Variants in PGM5 observed in about 807,000 individuals in gnomAD.
PGM5 encodes phosphoglucomutase-like protein 5.
In PGM5, 23 loss-of-function variants were observed where a neutral mutation model predicts 59.2. The observed-to-expected ratio is 0.39, with a 90% CI of 0.28 to 0.55. PGM5 has a LOEUF of 0.55. PGM5 is among the 20% of genes least tolerant of loss of function. The pLI, the probability that PGM5 is intolerant of heterozygous loss-of-function variation, is 0.66. For synonymous variants in PGM5, 214 were observed against 286.0 expected, an observed-to-expected ratio of 0.75 and a Z score of 2.54; for missense variants, 574 against 748.3, an observed-to-expected ratio of 0.77 and a Z score of 2.72.
At chr9:68,446,566 T>C (rs1823614979) in intron 6 of PGM5, among the ~76,000 whole-genome samples, 1 of 152,234 alleles carries the variant, frequency 6.6e-6, no homozygotes, top group Admixed American at 6.5e-5. Flanking sequence ...GCTGTGCGTG[T>C]CTCTGTGTGT....
chr9:68,366,542 G>A (rs1395616393), intron 1 of PGM5, among the ~76,000 whole-genome samples: 3 of 152,342 alleles, frequency 2.0e-5, no homozygotes, highest in African/African-American at 7.2e-5. Context: ...GGTGGAGGGG[G>A]TGTATAATGG....
At chr9:68,400,348 T>C (rs1397660883) in intron 6 of PGM5, among the ~76,000 whole-genome samples, 2 of 152,184 alleles carry the variant, frequency 1.3e-5, no homozygotes, top group African/African-American at 2.4e-5. Context: ...AAACATGTCA[T>C]GCTGCTTACA....
chr9:68,366,454 C>T (rs1443084633), intron 1 of PGM5, among the ~76,000 whole-genome samples: 17 of 151,850 alleles, frequency 1.1e-4, no homozygotes, highest in African/African-American at 3.6e-4. Flanking sequence ...GTAACGTAAT[C>T]CTGCTTTTCT....
chr9:68,507,325 C>A (rs189476616), intron 10 of PGM5, among the ~76,000 whole-genome samples: 8 of 152,192 alleles, frequency 5.3e-5, no homozygotes, highest in Non-Finnish European at 1.2e-4. Context: ...GGAAAGATGA[C>A]CAGCTGTTCT....
chr9:68,433,069 C>T (rs1823381789), intron 6 of PGM5, among the ~76,000 whole-genome samples: 1 of 152,174 alleles, frequency 6.6e-6, no homozygotes, highest in Non-Finnish European at 1.5e-5. Context: ...TTTTGACACA[C>T]CTGCCTTAGT....
chr9:68,385,234 T>A (rs1219691997), intron 3 of PGM5, among the ~76,000 whole-genome samples: 1 of 145,202 alleles, frequency 6.9e-6, no homozygotes, highest in Non-Finnish European at 1.5e-5. Flanking sequence ...TATGTATACA[T>A]TTTCCCCCTG....
chr9:68,468,040 T>C (rs1587819919), intron 7 of PGM5, among the ~76,000 whole-genome samples: 2 of 146,508 alleles, frequency 1.4e-5, no homozygotes, highest in East Asian at 3.9e-4. Flanking sequence ...TTCCTTCCTT[T>C]CTTTCTTGGC....
intron 6 of PGM5, among the ~76,000 whole-genome samples, chr9:68,446,559 G>A (rs564444189): frequency 1.3e-5 from 2 of 152,242 alleles, no homozygotes; most frequent in East Asian, 1.9e-4. Context: ...TGTACGTGCT[G>A]TGCGTGTCTC....
intron 7 of PGM5, among the ~76,000 whole-genome samples, chr9:68,477,002 A>C (rs559915388): frequency 6.6e-6 from 1 of 152,066 alleles, no homozygotes; most frequent in East Asian, 1.9e-4. Context: ...TTTCAGCTGT[A>C]AAAGGACAAA....
intron 9 of PGM5, among the ~76,000 whole-genome samples, chr9:68,489,547 C>A (rs1359509222): frequency 6.6e-6 from 1 of 150,648 alleles, no homozygotes; most frequent in African/African-American, 2.4e-5. Context: ...CTCACTGTGA[C>A]CTCTGCTCCC....
chr9:68,381,057 C>G (rs1554678268), intron 2 of PGM5, among the ~76,000 whole-genome samples: 1 of 151,912 alleles, frequency 6.6e-6, no homozygotes, highest in Non-Finnish European at 1.5e-5. Flanking sequence ...ATTAGAGCTA[C>G]AGGGAATACT....
intron 6 of PGM5, among the ~76,000 whole-genome samples, chr9:68,415,539 G>A (rs561443627): frequency 1.2e-4 from 17 of 142,928 alleles, no homozygotes; most frequent in African/African-American, 4.7e-4. Flanking sequence ...TTGACCACAG[G>A]TAGGGAGCTT....
intron 6 of PGM5, among the ~76,000 whole-genome samples, chr9:68,414,535 G>A (rs1190528389): frequency 6.6e-5 from 10 of 151,868 alleles, no homozygotes; most frequent in South Asian, 2.1e-4. Flanking sequence ...TTCTCTTTAC[G>A]AACCTCCTCT....
intron 6 of PGM5, among the ~76,000 whole-genome samples, chr9:68,412,772 G>A (rs2480123): frequency 6.6e-6 from 1 of 152,218 alleles, no homozygotes; most frequent in African/African-American, 2.4e-5. Flanking sequence ...CATGTGCTAT[G>A]TTCCATTTAT....
At chr9:68,452,408 C>T (rs1823711291) in intron 6 of PGM5, among the ~76,000 whole-genome samples, 1 of 152,202 alleles carries the variant, frequency 6.6e-6, no homozygotes, top group African/African-American at 2.4e-5. Flanking sequence ...GGGGGAGGGT[C>T]AGTTAAGTGG....
intron 1 of PGM5, among the ~76,000 whole-genome samples, chr9:68,369,622 G>A (rs562058474): frequency 2.0e-5 from 3 of 152,270 alleles, no homozygotes; most frequent in African/African-American, 7.2e-5. Flanking sequence ...ATGAAATCTT[G>A]AGAAATGGGT....
chr9:68,413,460 C>T (rs1288328925), intron 6 of PGM5, among the ~76,000 whole-genome samples: 1 of 152,180 alleles, frequency 6.6e-6, no homozygotes, highest in Non-Finnish European at 1.5e-5. Context: ...TTATCCACTA[C>T]CCCTAAGGTA....
chr9:68,410,240 C>T (rs1330618405), intron 6 of PGM5, among the ~76,000 whole-genome samples: 1 of 151,022 alleles, frequency 6.6e-6, no homozygotes, highest in African/African-American at 2.4e-5. Context: ...TAGGCCAGGA[C>T]TTAATGATGT....
In PGM5 at chr9:68,437,475, A is replaced by G. The variant is rs1587809785; in HGVS notation, c.1044-27618A>G. On this transcript the variant is annotated intron_variant, in intron 6 of 10. Transcript: ENST00000396396. This position sits in a 1 kb window ranked among gnomAD's most constrained non-coding sequence, Gnocchi z 4.1. ...AGATTGGTGTTGTGCTTTACACGAT[A>G]CTGTATTACAAAGCTGCTAAACAAC... Among the ~76,000 whole-genome samples, 1 of 152,154 alleles carries G rather than the reference A, an allele frequency of 6.6e-6. No homozygotes were observed. The highest frequency in any genetic ancestry group is 1.5e-5 in the Non-Finnish European group (1 of 68,024).
Sources: gnomAD v4.1 joint callset for allele counts (sites outside exome capture counted in the v4.1 genomes callset) on GRCh38, gnomAD v4.1.1 for gene constraint, Gnocchi (gnomAD v3.1) non-coding constraint, MANE v1.5 for transcripts, NCBI Gene and HGNC (gene_info 2026-07-23, HGNC 2026-07-21) for gene names.